Variants in EYS observed in about 807,000 individuals in gnomAD.
EYS encodes the protein EGF-like photoreceptor maintenance factor.
A neutral mutation model predicts 282.1 loss-of-function variants in EYS; 250 were observed. The ratio of observed to expected loss-of-function variants is 0.89; its 90% CI spans 0.80 to 0.98. The LOEUF (loss-of-function observed/expected upper bound fraction) is 0.98. Ranked by LOEUF, EYS falls within the 50% of genes least tolerant of loss-of-function variation. The pLI is 0.00. For synonymous variants in EYS, 1,355 were observed against 1,282.9 expected (o/e 1.06, Z -1.20); for missense variants, 4,016 against 3,709.0 (o/e 1.08, Z -2.15).
chr6:64,498,319 T>C (rs1776948450), intron 26 of EYS, among the ~76,000 whole-genome samples: 1 of 152,162 alleles, frequency 6.6e-6, no homozygotes, highest in African/African-American at 2.4e-5. Context: ...GTAACAAAGC[T>C]AATAGGTCCT....
intron 12 of EYS, among the ~76,000 whole-genome samples, chr6:65,159,648 G>T (rs772538582): frequency 6.6e-6 from 1 of 150,784 alleles, no homozygotes; most frequent in East Asian, 2.0e-4. Context: ...ACTTCCGTAG[G>T]TTCTTAATTC....
At chr6:64,027,348 CCT>C (rs1221893537) in intron 33 of EYS, among the ~76,000 whole-genome samples, 9 of 152,130 alleles carry the variant, frequency 5.9e-5, no homozygotes, top group African/African-American at 2.2e-4. Flanking sequence ...AATATACTCC[CCT>C]GTCACCTGAA....
intron 35 of EYS, among the ~76,000 whole-genome samples, chr6:63,950,621 C>T (rs1318761191): frequency 6.6e-6 from 1 of 152,100 alleles, no homozygotes; most frequent in African/African-American, 2.4e-5. Context: ...GATCAGGGGA[C>T]CTCCCTTGGG....
chr6:64,349,896 G>C (rs1305648721), intron 29 of EYS, among the ~76,000 whole-genome samples: 1 of 151,434 alleles, frequency 6.6e-6, no homozygotes, highest in African/African-American at 2.4e-5. Context: ...TCTACTTGAA[G>C]AAGTCAGCAA....
At chr6:64,788,636 A>T (rs1360391907) in intron 22 of EYS, among the ~76,000 whole-genome samples, 1 of 152,116 alleles carries the variant, frequency 6.6e-6, no homozygotes, top group Admixed American at 6.6e-5. Context: ...AGCTCCATCC[A>T]CACAACCTGG....
At chr6:65,590,543 G>T (rs556011639) in intron 2 of EYS, among the ~76,000 whole-genome samples, 1 of 151,836 alleles carries the variant, frequency 6.6e-6, no homozygotes, top group Admixed American at 6.6e-5. Flanking sequence ...GTTAACTATA[G>T]TCACTTGACT....
chr6:63,833,379 C>A (rs1218968041), intron 36 of EYS, among the ~76,000 whole-genome samples: 1 of 152,136 alleles, frequency 6.6e-6, no homozygotes, highest in Non-Finnish European at 1.5e-5. Flanking sequence ...TTTCAGGATA[C>A]AAAATCAATG....
intron 22 of EYS, among the ~76,000 whole-genome samples, chr6:64,797,914 A>G (rs1040705391): frequency 1.3e-5 from 2 of 151,922 alleles, no homozygotes; most frequent in African/African-American, 4.8e-5. Flanking sequence ...ATACCCATGA[A>G]ACACCTGCTT....
intron 30 of EYS, among the ~76,000 whole-genome samples, chr6:64,244,406 T>C (rs1766938162): frequency 6.6e-6 from 1 of 152,196 alleles, no homozygotes; most frequent in South Asian, 2.1e-4. Context: ...AGGAAACTTG[T>C]ATTTCCTCTC....
At chr6:65,041,132 A>G (rs1443794547) in intron 13 of EYS, among the ~76,000 whole-genome samples, 1 of 151,742 alleles carries the variant, frequency 6.6e-6, no homozygotes, top group Non-Finnish European at 1.5e-5. Flanking sequence ...TATTCTCAAT[A>G]TGAAAAGTTA....
At chr6:64,397,909 T>A (rs1040686622) in intron 28 of EYS, among the ~76,000 whole-genome samples, 1 of 152,002 alleles carries the variant, frequency 6.6e-6, no homozygotes, top group African/African-American at 2.4e-5. Context: ...AGTTCTATTT[T>A]TCATTATTAT....
At position 64,895,509 on chromosome 6, in the gene EYS, C is replaced by A. The variant is rs9445431; in HGVS notation, c.2846+6604G>T. On this transcript the variant is annotated intron_variant, in intron 18 of 42. Transcript: ENST00000503581. ...TTAACAGAAGAAATTGCCAAAATAT[C>A]TAAAGCTGCCTGAAGATTAAATAGC... 6.2e-3 allele frequency among the ~76,000 whole-genome samples: 939 copies of A among 152,144 alleles called. 8 individuals are homozygous for A. Among genetic ancestry groups the A allele is most frequent in the African/African-American group, 0.022 (903 of 41,488 alleles).
At chr6:63,993,987 T>C (rs1157830068) in intron 34 of EYS, among the ~76,000 whole-genome samples, 1 of 151,918 alleles carries the variant, frequency 6.6e-6, no homozygotes, top group African/African-American at 2.4e-5. Context: ...AAAAATCCCA[T>C]GGACACATGG....
intron 13 of EYS, among the ~76,000 whole-genome samples, chr6:65,042,137 T>G: frequency 6.6e-6 from 1 of 151,660 alleles, no homozygotes; most frequent in East Asian, 1.9e-4. Context: ...GATAATCATT[T>G]TTACTTCTGG....
chr6:64,408,468 A>G (rs1360704977), intron 28 of EYS, among the ~76,000 whole-genome samples: 1 of 152,142 alleles, frequency 6.6e-6, no homozygotes, highest in Non-Finnish European at 1.5e-5. Context: ...CAGTTTTAAA[A>G]ATCTGAATGC....
intron 2 of EYS, among the ~76,000 whole-genome samples, chr6:65,610,305 CAG>C (rs1765951298): frequency 6.6e-6 from 1 of 151,828 alleles, no homozygotes; most frequent in Non-Finnish European, 1.5e-5. Context: ...CTTAACATAT[CAG>C]AGTTTGTCTA....
chr6:64,985,931 T>G (rs187788816), intron 14 of EYS, among the ~76,000 whole-genome samples: 2 of 151,564 alleles, frequency 1.3e-5, no homozygotes, highest in Non-Finnish European at 3.0e-5. Flanking sequence ...TCTACTCAGC[T>G]GCTTCTACTT....
At chr6:64,452,999 G>A (rs376556401) in intron 26 of EYS, among the ~76,000 whole-genome samples, 4 of 152,066 alleles carry the variant, frequency 2.6e-5, no homozygotes, top group East Asian at 1.9e-4. Context: ...AAAAGCCAAA[G>A]TTGACAAATG....
At chr6:65,464,956 ACTT>A (rs1330958545) in intron 5 of EYS, among the ~76,000 whole-genome samples, 2 of 152,210 alleles carry the variant, frequency 1.3e-5, no homozygotes, top group African/African-American at 4.8e-5. Flanking sequence ...GGTAGCTTTC[ACTT>A]CTTTAAGTAA....
Sources: allele counts gnomAD v4.1 joint callset (sites outside exome capture counted in the v4.1 genomes callset), GRCh38; gene constraint gnomAD v4.1.1; transcripts MANE v1.5; gene names NCBI Gene and HGNC (gene_info 2026-07-23, HGNC 2026-07-21).